Variants in EFNA3 observed in about 807,000 individuals in gnomAD.
EFNA3 encodes the protein ephrin-A3.
Under a neutral mutation model 25.0 loss-of-function variants are expected in EFNA3, and 15 were observed. The observed-to-expected ratio is 0.60, with a 90% CI of 0.40 to 0.92. The LOEUF (loss-of-function observed/expected upper bound fraction) is 0.92. EFNA3 is among the 40% of genes least tolerant of loss of function. The pLI, the probability that EFNA3 is intolerant of heterozygous loss-of-function variation, is 0.00. For missense variants in EFNA3, 298 were observed against 323.8 expected, an observed-to-expected ratio of 0.92 and a Z score of 0.61; for synonymous variants, 153 against 145.6, an observed-to-expected ratio of 1.05 and a Z score of -0.37.
Position 155,085,301 on chromosome 1 carries a change from G to T in EFNA3, c.339G>T (p.Pro113=). 6.2e-7 allele frequency: 1 copy of T among 1,612,744 alleles called. No homozygotes were observed. Among genetic ancestry groups the T allele is most frequent in the Non-Finnish European group, 8.5e-7 (1 of 1,179,458 alleles). Residue 113 remains proline, a synonymous_variant, in exon 2 of 5, where the codon CCG becomes CCT. Coordinates refer to ENST00000368408, the MANE Select transcript of EFNA3 (RefSeq NM_004952.5). The surrounding 1 kb of genome is among the most constrained non-coding windows in gnomAD (Gnocchi z 4.4). ...TCAAGCGCTGGGAGTGCAACCGGCC[G>T]CACGCCCCGCACAGCCCCATCAAGT... is the stretch of plus-strand genomic sequence containing the variant. The part of the protein sequence containing the change: ...QGFKRWECNR[P]HAPHSPIKFS...
Position 155,085,516 on chromosome 1 carries a change from G to A in EFNA3, c.442+112G>A, listed in dbSNP as rs1663437437. 2.3e-6 allele frequency: 3 copies of A among 1,320,472 alleles called. No homozygotes were observed. The highest frequency in any genetic ancestry group is 1.5e-5 in the African/African-American group (1 of 66,992). 81.8% of individuals were successfully genotyped at this position (1,320,472 alleles called of 1,614,324 possible). On this transcript the variant is annotated intron_variant, in intron 2 of 4. Coordinates refer to ENST00000368408, the MANE Select transcript of EFNA3 (RefSeq NM_004952.5). This position sits in a 1 kb window ranked among gnomAD's most constrained non-coding sequence, Gnocchi z 4.4. ...GCCGGCGCGGCGGGCGCCAGGTCTC[G>A]CGGCTGAGACCAGGGAGGAGGCGTG...
In EFNA3 at chr1:155,086,353, G is replaced by T. The variant is rs562866422; in HGVS notation, c.587-60G>T. On this transcript the variant is annotated intron_variant, in intron 4 of 4. Coordinates refer to ENST00000368408, the MANE Select transcript of EFNA3 (RefSeq NM_004952.5). ...TCCCTGGCTCCATTGCTGCTGCCGCGTGCCCCTGCCCTGGCGCGCAACCCA... is the reference window on the plus strand; with the variant it reads ...TCCCTGGCTCCATTGCTGCTGCCGCTTGCCCCTGCCCTGGCGCGCAACCCA... 1.1e-5 allele frequency: 17 copies of T among 1,556,826 alleles called. No individual in the cohort carries two copies. The South Asian group carries it at 1.6e-4, about 14-fold the overall frequency.
chr1:155,083,003 TGGG>T (rs950990374), intron 1 of EFNA3, among the ~76,000 whole-genome samples: 4 of 152,144 alleles, frequency 2.6e-5, no homozygotes, highest in Non-Finnish European at 5.9e-5. Flanking sequence ...TGCCCAGCCT[TGGG>T]GGGGCATTTC....
Position 155,078,924 on chromosome 1 carries a change from G to A in EFNA3, c.-18G>A, listed in dbSNP as rs1336417465. 2 of 1,382,122 alleles carry A rather than the reference G, an allele frequency of 1.4e-6. No individual in the cohort carries two copies. Among genetic ancestry groups the A allele is most frequent in the Non-Finnish European group, 1.9e-6 (2 of 1,069,210 alleles). The allele number at this position is 1,382,122 out of a possible 1,614,324, so 85.6% of individuals were successfully genotyped here. A position where few individuals can be genotyped will look rare whatever the true frequency, so the allele number is the denominator to read the frequency against. ...CGCGGGGCTCAGTCGGGGGGCGGCG[G>A]CGGCGGCGGCTCCGGGGATGGCGGC... On this transcript the variant is annotated 5_prime_UTR_variant, in exon 1 of 5. Coordinates refer to ENST00000368408, the MANE Select transcript of EFNA3 (RefSeq NM_004952.5).
In EFNA3 at chr1:155,080,930, A is replaced by G. The variant is rs945409877; in HGVS notation, c.128+1861A>G. On this transcript the variant is annotated intron_variant, in intron 1 of 4. Transcript: ENST00000368408. This position sits in a 1 kb window ranked among gnomAD's most constrained non-coding sequence, Gnocchi z 7.0. ...CCCTCACTGCGGCAGCCGCGGCCCCATAAATCGTGAGAGCGACGTGCTCCG... is the reference window on the plus strand; with the variant it reads ...CCCTCACTGCGGCAGCCGCGGCCCCGTAAATCGTGAGAGCGACGTGCTCCG... Among the ~76,000 whole-genome samples, 2 of 151,958 alleles carry G rather than the reference A, an allele frequency of 1.3e-5. No homozygotes were observed. The highest frequency in any genetic ancestry group is 2.4e-5 in the African/African-American group (1 of 41,390).
chr1:155,086,761 G>A lies in EFNA3; in HGVS notation c.*218G>A. The A allele has an allele frequency of 3.4e-6, 2 of 583,922 alleles. No individual in the cohort carries two copies. The highest frequency in any genetic ancestry group is 1.9e-5 in the African/African-American group (1 of 53,118). 36.2% of individuals were successfully genotyped at this position (583,922 alleles called of 1,614,324 possible). The stretch of plus-strand genomic sequence containing the variant: ...CGGGGACAGCCATGGGTCCCGGGCG[G>A]CCTTGTGGCTCTGGTAATGTTTGGT... On this transcript the variant is annotated 3_prime_UTR_variant, in exon 5 of 5. Transcript: ENST00000368408.
rs747034555 is a variant in EFNA3, at chr1:155,086,215, C to A, written c.586+10C>A. ...AAGATCAACGTGCTGGGTGAGTCTG[C>A]GCAGCGCCCTCTGGTGGCCACTGCT... On this transcript the variant is annotated intron_variant, in intron 4 of 4. Coordinates refer to ENST00000368408, the MANE Select transcript of EFNA3 (RefSeq NM_004952.5). 64 of 1,613,452 alleles carry A rather than the reference C, an allele frequency of 4.0e-5. No homozygotes were observed. Among genetic ancestry groups the A allele is most frequent in the Non-Finnish European group, 5.2e-5 (61 of 1,179,706 alleles).
intron 1 of EFNA3, among the ~76,000 whole-genome samples, chr1:155,084,079 G>A (rs967815737): frequency 2.0e-5 from 3 of 152,224 alleles, no homozygotes; most frequent in Non-Finnish European, 4.4e-5. Flanking sequence ...CTGTCCCAAA[G>A]AGGGATCAGG....
chr1:155,086,649 A>T lies in EFNA3; in HGVS notation c.*106A>T, dbSNP rs1306907389. ...CTAGTGGGCCTAGACCCCTCCTCCC[A>T]TGGCTAGAAGTGGGGCCTGCACCAT... On this transcript the variant is annotated 3_prime_UTR_variant, in exon 5 of 5. Transcript: ENST00000368408. 3 of 1,429,266 alleles carry T rather than the reference A, an allele frequency of 2.1e-6. No homozygotes were observed. The highest frequency in any genetic ancestry group is 2.8e-6 in the Non-Finnish European group (3 of 1,058,000). 88.5% of individuals were successfully genotyped at this position (1,429,266 alleles called of 1,614,324 possible).
In EFNA3 at chr1:155,078,877, TG is replaced by T. The variant is rs1431974143; in HGVS notation, c.-62del. 6.6e-5 allele frequency: 87 copies of T among 1,325,568 alleles called. No homozygotes were observed. The African/African-American group carries it at 1.3e-3, about 20-fold the overall frequency. 82.1% of individuals were successfully genotyped at this position (1,325,568 alleles called of 1,614,324 possible). ...GCCGACGGCGGCGGCAGCAGGGAGC[TG>T]GGAAGCGGAGAAGCCGGGAGCGCGG... is the stretch of plus-strand genomic sequence containing the variant. On this transcript the variant is annotated 5_prime_UTR_variant, in exon 1 of 5. Transcript: ENST00000368408.
Position 155,086,168 on chromosome 1 carries a change from G to A in EFNA3, c.549G>A (p.Gln183=). ...AGAAGCCGGTCCCCACTCTCCCCCA[G>A]TTCACCATGGGCCCCAATGTGAAGA... ...SGEKPVPTLP[Q]FTMGPNVKIN... is the part of the protein sequence containing the mutation. Residue 183 remains glutamine (Q), a synonymous_variant, in exon 4 of 5, where the codon CAG becomes CAA. Coordinates refer to ENST00000368408, the MANE Select transcript of EFNA3 (RefSeq NM_004952.5). 1 of 1,482,408 alleles carries A rather than the reference G, an allele frequency of 6.7e-7. No individual in the cohort carries two copies. The highest frequency in any genetic ancestry group is 9.1e-7 in the Non-Finnish European group (1 of 1,100,502). 91.8% of individuals were successfully genotyped at this position (1,482,408 alleles called of 1,614,324 possible). A position where few individuals can be genotyped will look rare whatever the true frequency, so the allele number is the denominator to read the frequency against.
Position 155,086,966 on chromosome 1 carries a change from G to T in EFNA3, c.*423G>T, listed in dbSNP as rs921327045. The T allele has an allele frequency of 4.8e-5, 8 of 166,732 alleles. No homozygotes were observed. In the South Asian group the frequency reaches 1.1e-3, roughly 23 times the overall value. 10.3% of individuals were successfully genotyped at this position (166,732 alleles called of 1,614,324 possible). A position where few individuals can be genotyped will look rare whatever the true frequency, so the allele number is the denominator to read the frequency against. ...CTCCAGGGGCAGAACATGGGGAGGG[G>T]ACTAGATGGGCAAGGGGCAGCACTG... On this transcript the variant is annotated 3_prime_UTR_variant, in exon 5 of 5. Transcript: ENST00000368408.
chr1:155,085,403 C>T lies in EFNA3; in HGVS notation c.441C>T (p.Ile147=). The part of the protein sequence containing the change: ...EFHAGHEYYY[I]STPTHNLHWK... ...ACGCCGGCCACGAGTACTACTACAT[C>T]TGTGAGTGACGGCGGCCGGGCGGGC... is the stretch of plus-strand genomic sequence containing the variant. The change falls in exon 2 of 5, where the codon ATC becomes ATT. Residue 147 remains isoleucine (I), a splice_region_variant and synonymous_variant. Coordinates refer to ENST00000368408, the MANE Select transcript of EFNA3 (RefSeq NM_004952.5). The surrounding 1 kb of genome is among the most constrained non-coding windows in gnomAD (Gnocchi z 4.4). The T allele has an allele frequency of 6.3e-7, 1 of 1,578,680 alleles. No individual in the cohort carries two copies. Among genetic ancestry groups the T allele is most frequent in the Non-Finnish European group, 8.6e-7 (1 of 1,157,918 alleles).
chr1:155,078,881 A>G lies in EFNA3; in HGVS notation c.-61A>G. Reference sequence around the variant, plus strand: ...ACGGCGGCGGCAGCAGGGAGCTGGGAAGCGGAGAAGCCGGGAGCGCGGGGC... The same window carrying G: ...ACGGCGGCGGCAGCAGGGAGCTGGGGAGCGGAGAAGCCGGGAGCGCGGGGC... On this transcript the variant is annotated 5_prime_UTR_variant, in exon 1 of 5. Coordinates refer to ENST00000368408, the MANE Select transcript of EFNA3 (RefSeq NM_004952.5). 7.5e-7 allele frequency: 1 copy of G among 1,330,084 alleles called. No homozygotes were observed. Among genetic ancestry groups the G allele is most frequent in the East Asian group, 3.2e-5 (1 of 31,120 alleles). 82.4% of individuals were successfully genotyped at this position (1,330,084 alleles called of 1,614,324 possible).
In EFNA3 at chr1:155,087,105, G is replaced by A. The variant is rs1347815950; in HGVS notation, c.*562G>A. Reference sequence around the variant, plus strand: ...GTTTACAAGTAGACACCCCTGGGGGGGCGGGCAGTGGACAAGGATGGCAAG... The same window carrying A: ...GTTTACAAGTAGACACCCCTGGGGGAGCGGGCAGTGGACAAGGATGGCAAG... On this transcript the variant is annotated 3_prime_UTR_variant, in exon 5 of 5. Coordinates refer to ENST00000368408, the MANE Select transcript of EFNA3 (RefSeq NM_004952.5). 1 of 157,478 alleles carries A rather than the reference G, an allele frequency of 6.4e-6. No individual in the cohort carries two copies. The highest frequency in any genetic ancestry group is 1.9e-4 in the East Asian group (1 of 5,394). 9.8% of individuals were successfully genotyped at this position (157,478 alleles called of 1,614,324 possible).
At position 155,080,883 on chromosome 1, in the gene EFNA3, G is replaced by A. The variant is rs1246135195; in HGVS notation, c.128+1814G>A. Among the ~76,000 whole-genome samples, 1 of 152,126 alleles carries A rather than the reference G, an allele frequency of 6.6e-6. No individual in the cohort carries two copies. The highest frequency in any genetic ancestry group is 1.5e-5 in the Non-Finnish European group (1 of 67,994). Reference sequence around the variant, plus strand: ...CCTCGCTTCCCGGGCCTTTGTTGCCGCTGCGCCCGGGCTCCCCGGCTCCCT... The same window carrying A: ...CCTCGCTTCCCGGGCCTTTGTTGCCACTGCGCCCGGGCTCCCCGGCTCCCT... On this transcript the variant is annotated intron_variant, in intron 1 of 4. Transcript: ENST00000368408. This position sits in a 1 kb window ranked among gnomAD's most constrained non-coding sequence, Gnocchi z 7.0.
In EFNA3 at chr1:155,086,483, G is replaced by T; in HGVS notation, c.657G>T (p.Arg219=). 1 of 1,614,106 alleles carries T rather than the reference G, an allele frequency of 6.2e-7. No homozygotes were observed. The highest frequency in any genetic ancestry group is 8.5e-7 in the Non-Finnish European group (1 of 1,179,980). Residue 219 remains arginine (R), a synonymous_variant, in exon 5 of 5, where the codon CGG becomes CGT. Coordinates refer to ENST00000368408, the MANE Select transcript of EFNA3 (RefSeq NM_004952.5). ...EKSISGTSPK[R]EHLPLAVGIA... is the part of the protein sequence containing the mutation. ...GCATCAGCGGGACCAGCCCCAAACG[G>T]GAACACCTGCCCCTGGCCGTGGGCA...
In EFNA3 at chr1:155,080,023, T is replaced by G. The variant is rs1663311414; in HGVS notation, c.128+954T>G. 6.6e-6 allele frequency among the ~76,000 whole-genome samples: 1 copy of G among 152,014 alleles called. No individual in the cohort carries two copies. Among genetic ancestry groups the G allele is most frequent in the Admixed American group, 6.5e-5 (1 of 15,278 alleles). On this transcript the variant is annotated intron_variant, in intron 1 of 4. Transcript: ENST00000368408. The surrounding 1 kb of genome is among the most constrained non-coding windows in gnomAD (Gnocchi z 7.0). Reference sequence around the variant, plus strand: ...CTGCGGGGCCGGGTCCTCATTCTGCTCAGTCCTTGCTGCCCTTGTCTTCTC... The same window carrying G: ...CTGCGGGGCCGGGTCCTCATTCTGCGCAGTCCTTGCTGCCCTTGTCTTCTC...
At chr1:155,082,314 T>G (rs1360806916) in intron 1 of EFNA3, among the ~76,000 whole-genome samples, 1 of 152,134 alleles carries the variant, frequency 6.6e-6, no homozygotes, top group East Asian at 1.9e-4. Flanking sequence ...AGACCGGGGC[T>G]GGGGGTGGAG....
Sources: allele counts gnomAD v4.1 joint callset (sites outside exome capture counted in the v4.1 genomes callset), GRCh38; gene constraint gnomAD v4.1.1; non-coding constraint Gnocchi (gnomAD v3.1); transcripts MANE v1.5; gene names NCBI Gene and HGNC (gene_info 2026-07-23, HGNC 2026-07-21).